The following ADARB1 variants were observed in gnomAD, a reference collection of about 807,000 sequenced individuals.
ADARB1 encodes the protein double-stranded RNA-specific editase 1.
Under a neutral mutation model 52.4 loss-of-function variants are expected in ADARB1, and 10 were observed. That is an observed-to-expected ratio of 0.19 (90% CI 0.12 to 0.32). The LOEUF (loss-of-function observed/expected upper bound fraction) is 0.32. Ranked by LOEUF, ADARB1 falls within the 10% of genes least tolerant of loss-of-function variation. ADARB1 has a pLI of 1.00. For synonymous variants in ADARB1, 349 were observed against 371.1 expected (o/e 0.94, Z 0.68); for missense variants, 643 against 922.3 (o/e 0.70, Z 3.92).
chr21:45,075,733 T>C (rs557143051), intron 1 of ADARB1, among the ~76,000 whole-genome samples: 1 of 152,194 alleles, frequency 6.6e-6, no homozygotes, highest in East Asian at 1.9e-4. Context: ...CGTGTTCCTG[T>C]CCAGGTTTCT....
chr21:45,087,616 T>C (rs2086398020), intron 1 of ADARB1, among the ~76,000 whole-genome samples: 1 of 152,074 alleles, frequency 6.6e-6, no homozygotes, highest in South Asian at 2.1e-4. Flanking sequence ...TGCCAGGTCA[T>C]AGGTGGGGTG....
At chr21:45,160,411 G>A (rs192782811) in intron 2 of ADARB1, among the ~76,000 whole-genome samples, 1 of 152,366 alleles carries the variant, frequency 6.6e-6, no homozygotes, top group East Asian at 1.9e-4. Context: ...TTACTGTCTT[G>A]TGATGTATGT....
Position 45,223,662 on chromosome 21 carries a change from G to T in ADARB1, c.*1465G>T. ...TGCCACAGCGAAATCCAGGGTGTTG[G>T]CACCTGTGTGTCCGTGATGAGCCTA... On this transcript the variant is annotated 3_prime_UTR_variant, in exon 11 of 11. Coordinates refer to ENST00000348831, the MANE Select transcript of ADARB1 (RefSeq NM_001112.4). 1 of 985,560 alleles carries T rather than the reference G, an allele frequency of 1.0e-6. No homozygotes were observed. Among genetic ancestry groups the T allele is most frequent in the Non-Finnish European group, 1.2e-6 (1 of 830,088 alleles). 61.1% of individuals were successfully genotyped at this position (985,560 alleles called of 1,614,324 possible).
chr21:45,223,256 C>T lies in ADARB1; in HGVS notation c.*1059C>T. 1 of 985,466 alleles carries T rather than the reference C, an allele frequency of 1.0e-6. No homozygotes were observed. Among genetic ancestry groups the T allele is most frequent in the South Asian group, 4.7e-5 (1 of 21,286 alleles). The allele number at this position is 985,466 out of a possible 1,614,324, so 61.0% of individuals were successfully genotyped here. ...TTATTGTTTCCAGCTTTATCAAAGA[C>T]ATGTTTGAAAAATAAAAAGCATCCA... On this transcript the variant is annotated 3_prime_UTR_variant, in exon 11 of 11. Coordinates refer to ENST00000348831, the MANE Select transcript of ADARB1 (RefSeq NM_001112.4).
chr21:45,177,821 T>G (rs2091763415), intron 4 of ADARB1, among the ~76,000 whole-genome samples: 1 of 152,186 alleles, frequency 6.6e-6, no homozygotes, highest in Non-Finnish European at 1.5e-5. Context: ...GTATTTTATT[T>G]TGCCTAAAGG....
At chr21:45,097,800 C>T (rs896468851) in intron 1 of ADARB1, among the ~76,000 whole-genome samples, 2 of 152,110 alleles carry the variant, frequency 1.3e-5, no homozygotes, top group East Asian at 1.9e-4. Flanking sequence ...ATTCCAGAGA[C>T]AAACCGCTGC....
chr21:45,116,222 A>G (rs1349600185), intron 1 of ADARB1, among the ~76,000 whole-genome samples: 1 of 152,178 alleles, frequency 6.6e-6, no homozygotes, highest in Non-Finnish European at 1.5e-5. Flanking sequence ...TCAGTCTTGG[A>G]ATTGGCCTTT....
intron 2 of ADARB1, among the ~76,000 whole-genome samples, chr21:45,143,632 T>G (rs914192974): frequency 2.0e-5 from 3 of 152,242 alleles, no homozygotes; most frequent in Non-Finnish European, 4.4e-5. Context: ...GCAGAGCCGC[T>G]GGACCTCCGT....
intron 1 of ADARB1, chr21:45,100,430 G>C (rs902323933): frequency 1.3e-5 from 2 of 152,286 alleles, no homozygotes; most frequent in Admixed American, 6.5e-5. Flanking sequence ...GGGAGCGCTT[G>C]CCATCCCTGC....
chr21:45,087,715 A>T lies in ADARB1; in HGVS notation c.-220+12922A>T, dbSNP rs549099676. 4.6e-5 allele frequency among the ~76,000 whole-genome samples: 7 copies of T among 152,306 alleles called. No individual in the cohort carries two copies. In the East Asian group the frequency reaches 1.3e-3, roughly 29 times the overall value. On this transcript the variant is annotated intron_variant, in intron 1 of 10. Coordinates refer to ENST00000348831, the MANE Select transcript of ADARB1 (RefSeq NM_001112.4). ...ATACTCCAAAGTAAAATAGATGGTT[A>T]ATATCAGCCAGGATGTGGGGGACCC...
intron 1 of ADARB1, among the ~76,000 whole-genome samples, chr21:45,125,928 A>G (rs973937157): frequency 6.6e-6 from 1 of 151,466 alleles, no homozygotes; most frequent in Non-Finnish European, 1.5e-5. Flanking sequence ...TAATTTTTTT[A>G]CTCCTATTCT....
At chr21:45,160,765 T>C (rs1212618635) in intron 2 of ADARB1, among the ~76,000 whole-genome samples, 1 of 152,360 alleles carries the variant, frequency 6.6e-6, no homozygotes, top group Admixed American at 6.5e-5. Flanking sequence ...GTGTACTGAA[T>C]TTGGGTTTTA....
At chr21:45,124,129 T>A (rs1432509891) in intron 1 of ADARB1, among the ~76,000 whole-genome samples, 1 of 152,098 alleles carries the variant, frequency 6.6e-6, no homozygotes, top group Non-Finnish European at 1.5e-5. Context: ...ATCTTAATCA[T>A]GTTTGATCGC....
rs993385168 is a variant in ADARB1 at position 45,176,601 on chromosome 21, C to T, written c.900C>T (p.His300=). The change falls in exon 4 of 11, where the codon CAC becomes CAT. Residue 300 remains histidine, a synonymous_variant. Transcript: ENST00000348831. This position sits in a 1 kb window ranked among gnomAD's most constrained non-coding sequence, Gnocchi z 5.8. ...CCCTGGCCGCCATTTTTAACTTGCA[C>T]TTGGATCAGACGCCATCTCGCCAGC... ...QSALAAIFNL[H]LDQTPSRQPI... 3.7e-6 allele frequency: 6 copies of T among 1,614,018 alleles called. No individual in the cohort carries two copies. In the African/African-American group the frequency reaches 4.0e-5, roughly 11 times the overall value.
intron 1 of ADARB1, among the ~76,000 whole-genome samples, chr21:45,083,606 C>T (rs764999703): frequency 5.9e-5 from 9 of 152,086 alleles, no homozygotes; most frequent in Admixed American, 3.3e-4. Context: ...AAGAATATTT[C>T]GAATAATTCT....
At chr21:45,099,296 T>A (rs1363966038) in intron 1 of ADARB1, among the ~76,000 whole-genome samples, 1 of 152,210 alleles carries the variant, frequency 6.6e-6, no homozygotes, top group African/African-American at 2.4e-5. Flanking sequence ...CTATAGTTGA[T>A]CATCCTTCAG....
chr21:45,107,615 G>A (rs1016900062), intron 1 of ADARB1, among the ~76,000 whole-genome samples: 6 of 152,148 alleles, frequency 3.9e-5, no homozygotes, highest in Non-Finnish European at 8.8e-5. Context: ...TAGAGTCAAC[G>A]TTCTTGGGAC....
intron 1 of ADARB1, among the ~76,000 whole-genome samples, chr21:45,083,307 C>G (rs1236048245): frequency 1.3e-5 from 2 of 152,160 alleles, no homozygotes; most frequent in Admixed American, 6.5e-5. Flanking sequence ...CCCTACACTG[C>G]CCCCCCATCC....
intron 1 of ADARB1, among the ~76,000 whole-genome samples, chr21:45,122,881 C>G (rs938543024): frequency 6.6e-6 from 1 of 152,200 alleles, no homozygotes; most frequent in African/African-American, 2.4e-5. Context: ...TGCCTTTTCG[C>G]ATAATCTCAT....
Sources: gnomAD v4.1 joint callset for allele counts (sites outside exome capture counted in the v4.1 genomes callset) on GRCh38, gnomAD v4.1.1 for gene constraint, Gnocchi (gnomAD v3.1) non-coding constraint, MANE v1.5 for transcripts, NCBI Gene and HGNC (gene_info 2026-07-23, HGNC 2026-07-21) for gene names.